ATP7B: variants seen among roughly 807,000 people sequenced by gnomAD.
The protein encoded by ATP7B is ATPase copper transporting beta.
Under a neutral mutation model 118.9 loss-of-function variants are expected in ATP7B, and 113 were observed. That is an observed-to-expected ratio of 0.95 (90% CI 0.82 to 1.11). The LOEUF (loss-of-function observed/expected upper bound fraction) is 1.11, where lower values mean the gene tolerates loss of function less well. ATP7B is among the 50% of genes most tolerant of loss of function. The probability of loss-of-function intolerance (pLI) is 0.00; values close to 1 mark genes in which losing one functional copy is unlikely to be tolerated. For missense variants in ATP7B, 1,867 were observed against 1,871.4 expected (o/e 1.00, Z 0.04); for synonymous variants, 777 against 727.4 (o/e 1.07, Z -1.10).
At chr13:51,959,758 A>T (rs1958609149) in intron 7 of ATP7B, 1 of 276,916 alleles carries the variant, frequency 3.6e-6, no homozygotes, top group Non-Finnish European at 7.0e-6. Context: ...AGAACACTCA[A>T]GAGTGGCATG....
intron 1 of ATP7B, among the ~76,000 whole-genome samples, chr13:51,996,998 C>T (rs1183454119): frequency 6.6e-6 from 1 of 152,236 alleles, no homozygotes; most frequent in Non-Finnish European, 1.5e-5. Context: ...TGAGCCCCAA[C>T]CCTAGCCTCC....
intron 1 of ATP7B, among the ~76,000 whole-genome samples, chr13:51,976,918 A>T (rs1470238931): frequency 6.6e-6 from 1 of 152,218 alleles, no homozygotes; most frequent in African/African-American, 2.4e-5. Flanking sequence ...GTAGATGTGA[A>T]GACTTAGGAC....
chr13:52,011,481 C>T (rs936119654), upstream of ATP7B: 5 of 976,084 alleles, frequency 5.1e-6, no homozygotes, highest in Non-Finnish European at 7.9e-6. Context: ...CTAAAGCAAA[C>T]AGGGGTCCGG....
intron 9 of ATP7B, among the ~76,000 whole-genome samples, chr13:51,956,990 A>G (rs1485754801): frequency 2.6e-5 from 4 of 152,168 alleles, no homozygotes; most frequent in Non-Finnish European, 5.9e-5. Flanking sequence ...TCCCTGCCTC[A>G]GAAAGTTTCC....
chr13:51,950,943 G>A (rs1455618119), intron 9 of ATP7B, among the ~76,000 whole-genome samples: 7 of 152,124 alleles, frequency 4.6e-5, no homozygotes, highest in Non-Finnish European at 8.8e-5. Flanking sequence ...AGTAAGTGAC[G>A]TGCAAGTTGA....
Position 51,960,315 on chromosome 13 carries a change from T to C in ATP7B, c.1954A>G (p.Lys652Glu). 6.2e-7 allele frequency: 1 copy of C among 1,613,252 alleles called. No homozygotes were observed. Among genetic ancestry groups the C allele is most frequent in the South Asian group, 1.1e-5 (1 of 91,024 alleles). ...DHKMEIKQWKKSFLCSLVFGI... is the reference protein window; with the variant it reads ...DHKMEIKQWKESFLCSLVFGI... ...AACACCAGGCTGCACAGGAAAGACTTCTTCCACCTGGAAAGCAAATGCAGC... is the reference window on the plus strand; with the variant it reads ...AACACCAGGCTGCACAGGAAAGACTCCTTCCACCTGGAAAGCAAATGCAGC... The change falls in exon 7 of 21, where the codon AAG becomes GAG. Residue 652 changes from lysine (K) to glutamate (E), a missense_variant. Transcript: ENST00000242839.
chr13:51,972,999 G>A (rs949147620), intron 2 of ATP7B, among the ~76,000 whole-genome samples: 18 of 152,160 alleles, frequency 1.2e-4, no homozygotes, highest in South Asian at 8.3e-4. Flanking sequence ...GGGCAAGACC[G>A]TGTCCCTAAA....
intron 1 of ATP7B, among the ~76,000 whole-genome samples, chr13:52,007,200 A>C (rs1953812999): frequency 6.6e-6 from 1 of 152,212 alleles, no homozygotes; most frequent in Non-Finnish European, 1.5e-5. Context: ...CCATTTCAAG[A>C]AGCACAGAGT....
In ATP7B at chr13:51,974,025, C is replaced by G; in HGVS notation, c.1195G>C (p.Ala399Pro). ...QISVSLAEGTATVLYNPSVIS... is the reference protein window; with the variant it reads ...QISVSLAEGTPTVLYNPSVIS... ...ACAGAGGGATTATAAAGAACTGTTG[C>G]AGTCCCTTCGGCCAAAGACACCGAT... The change falls in exon 2 of 21, where the codon GCA becomes CCA. Residue 399 changes from alanine (A) to proline (P), a missense_variant. By Grantham distance (27) the Ala-to-Pro change is conservative. Transcript: ENST00000242839. 5 of 1,614,256 alleles carry G rather than the reference C, an allele frequency of 3.1e-6. No homozygotes were observed. The highest frequency in any genetic ancestry group is 4.2e-6 in the Non-Finnish European group (5 of 1,180,050).
intron 5 of ATP7B, among the ~76,000 whole-genome samples, chr13:51,962,274 C>T (rs1400039992): frequency 1.3e-5 from 2 of 152,200 alleles, no homozygotes; most frequent in African/African-American, 2.4e-5. Flanking sequence ...CAAAGCCCCA[C>T]CCTTCTCAGA....
intron 6 of ATP7B, 106 bp downstream of exon 6, chr13:51,961,731 C>T (rs1958755712): frequency 9.1e-7 from 1 of 1,102,758 alleles, no homozygotes; most frequent in Admixed American, 1.8e-5. Flanking sequence ...GCAGCTAATC[C>T]AGGAGGAAGG....
intron 1 of ATP7B, among the ~76,000 whole-genome samples, chr13:51,977,449 T>A (rs954258200): frequency 3.9e-5 from 6 of 152,012 alleles, no homozygotes; most frequent in African/African-American, 7.3e-5. Context: ...AGTATAACTG[T>A]CTTCCATCTC....
At chr13:51,955,692 C>T (rs1452670584) in intron 9 of ATP7B, among the ~76,000 whole-genome samples, 1 of 152,016 alleles carries the variant, frequency 6.6e-6, no homozygotes, top group Non-Finnish European at 1.5e-5. Context: ...TTGGAGGAAA[C>T]ATGAGTCAAA....
rs577274216 is a variant in ATP7B at position 51,988,307 on chromosome 13, G to C, written c.52-13139C>G. Among the ~76,000 whole-genome samples, 10 of 152,192 alleles carry C rather than the reference G, an allele frequency of 6.6e-5. No homozygotes were observed. The South Asian group carries it at 2.1e-3, about 32-fold the overall frequency. On this transcript the variant is annotated intron_variant, in intron 1 of 20. Coordinates refer to ENST00000242839, the MANE Select transcript of ATP7B (RefSeq NM_000053.4). ...ATGCAGCCAACAAACATGAAAAAAAGCTCATCATCACTGGTTATTACAGAC... is the reference window on the plus strand; with the variant it reads ...ATGCAGCCAACAAACATGAAAAAAACCTCATCATCACTGGTTATTACAGAC...
At chr13:51,940,648 T>C (rs1199025387) in intron 16 of ATP7B, among the ~76,000 whole-genome samples, 1 of 151,836 alleles carries the variant, frequency 6.6e-6, no homozygotes, top group African/African-American at 2.4e-5. Flanking sequence ...AAACTCAGTC[T>C]AAAAAAGAAA....
At chr13:51,968,078 T>C (rs117014324) in intron 4 of ATP7B, among the ~76,000 whole-genome samples, 4,177 of 152,284 alleles carry the variant, frequency 0.027, 94 homozygotes, top group Middle Eastern at 0.051. Context: ...GTTGCAGGCA[T>C]GCTAGCTTCT....
rs531632032 is a variant in ATP7B, at chr13:51,958,697, A to G, written c.2122-153T>C. On this transcript the variant is annotated intron_variant, in intron 7 of 20. Transcript: ENST00000242839. Reference sequence around the variant, plus strand: ...TCTGTGATGGGCGTTTATGAAATATACTTTCCCATTCAGAGGACTACTGTC... The same window carrying G: ...TCTGTGATGGGCGTTTATGAAATATGCTTTCCCATTCAGAGGACTACTGTC... 6.1e-5 allele frequency: 44 copies of G among 717,576 alleles called. No individual in the cohort carries two copies. The African/African-American group carries it at 6.5e-4, about 11-fold the overall frequency. 44.5% of individuals were successfully genotyped at this position (717,576 alleles called of 1,614,324 possible). A position where few individuals can be genotyped will look rare whatever the true frequency, so the allele number is the denominator to read the frequency against.
At chr13:51,962,579 CA>C (rs1767832526) in intron 5 of ATP7B, among the ~76,000 whole-genome samples, 2 of 152,156 alleles carry the variant, frequency 1.3e-5, no homozygotes, top group Admixed American at 1.3e-4. Context: ...GGGACTTTTA[CA>C]CAAAAATTAA....
chr13:51,996,373 G>A (rs1447507571), intron 1 of ATP7B, among the ~76,000 whole-genome samples: 1 of 152,106 alleles, frequency 6.6e-6, no homozygotes, highest in Non-Finnish European at 1.5e-5. Context: ...TGCTCTGTCG[G>A]GCAGCGCTGC....
Sources: gnomAD v4.1 joint callset for allele counts (sites outside exome capture counted in the v4.1 genomes callset) on GRCh38, gnomAD v4.1.1 for gene constraint, MANE v1.5 for transcripts, NCBI Gene and HGNC (gene_info 2026-07-23, HGNC 2026-07-21) for gene names.